The following RAB3GAP1 variants were observed in gnomAD, a reference collection of about 807,000 sequenced individuals.
RAB3GAP1 encodes the protein rab3 GTPase-activating protein catalytic subunit.
A neutral mutation model predicts 130.7 loss-of-function variants in RAB3GAP1; 86 were observed. That is an observed-to-expected ratio of 0.66 (90% CI 0.55 to 0.79). The LOEUF is 0.79. Among genes scored for constraint, RAB3GAP1 ranks in the 30% least tolerant of loss-of-function variants. The pLI is 0.00. For synonymous variants in RAB3GAP1, 367 were observed against 401.7 expected, an observed-to-expected ratio of 0.91 and a Z score of 1.03; for missense variants, 1,029 against 1,169.4, an observed-to-expected ratio of 0.88 and a Z score of 1.75.
intron 7 of RAB3GAP1, among the ~76,000 whole-genome samples, 157 bp from the exon 8 acceptor site, chr2:135,120,662 C>T (rs534397811): frequency 6.6e-6 from 1 of 152,278 alleles, no homozygotes; most frequent in African/African-American, 2.4e-5. Flanking sequence ...TTTTTAATAA[C>T]TAGAATATGC....
At chr2:135,149,132 C>G (rs369507606) in intron 17 of RAB3GAP1, among the ~76,000 whole-genome samples, 22 of 152,254 alleles carry the variant, frequency 1.4e-4, no homozygotes, top group Admixed American at 9.8e-4. Flanking sequence ...TAGTCAGTGT[C>G]CTCTCAGTAT....
intron 17 of RAB3GAP1, among the ~76,000 whole-genome samples, chr2:135,139,533 C>T (rs1330179525): frequency 6.6e-6 from 1 of 150,862 alleles, no homozygotes; most frequent in Admixed American, 6.6e-5. Flanking sequence ...AGAGCAAGAC[C>T]CTGTCTCAAA....
At chr2:135,082,523 C>T (rs1389279816) in intron 3 of RAB3GAP1, among the ~76,000 whole-genome samples, 1 of 151,634 alleles carries the variant, frequency 6.6e-6, no homozygotes, top group East Asian at 1.9e-4. Flanking sequence ...TCAGTGCAAC[C>T]TTCGCCTCTT....
At chr2:135,106,327 T>C (rs1055420785) in intron 5 of RAB3GAP1, among the ~76,000 whole-genome samples, 1 of 152,200 alleles carries the variant, frequency 6.6e-6, no homozygotes, top group Non-Finnish European at 1.5e-5. Context: ...GGGGGAAATG[T>C]GGGGAAACGA....
chr2:135,162,567 C>T lies in RAB3GAP1; in HGVS notation c.2302C>T (p.Leu768=). 6.2e-7 allele frequency: 1 copy of T among 1,613,704 alleles called. No homozygotes were observed. Among genetic ancestry groups the T allele is most frequent in the Non-Finnish European group, 8.5e-7 (1 of 1,179,776 alleles). ...TREAEKVLHY[L]AIQKPADLAR... ...GCACCTCCTTCAGGTGCTGCACTAT[C>T]TGGCAATCCAGAAACCTGCAGACCT... The change falls in exon 20 of 24, where the codon CTG becomes TTG. Residue 768 remains leucine (L), a synonymous_variant. Transcript: ENST00000264158.
At chr2:135,166,461 G>T (rs1382902079) in intron 23 of RAB3GAP1, among the ~76,000 whole-genome samples, 1 of 151,936 alleles carries the variant, frequency 6.6e-6, no homozygotes, top group Non-Finnish European at 1.5e-5. Flanking sequence ...CAATCCTCTT[G>T]CTTCAACCTC....
chr2:135,105,035 C>T (rs986106543), intron 5 of RAB3GAP1, among the ~76,000 whole-genome samples: 3 of 152,134 alleles, frequency 2.0e-5, no homozygotes, highest in Admixed American at 2.0e-4. Context: ...AGAAATTGTC[C>T]AGTCCAAAGA....
chr2:135,060,851 A>G (rs1324931718), intron 3 of RAB3GAP1, among the ~76,000 whole-genome samples: 3 of 152,016 alleles, frequency 2.0e-5, no homozygotes, highest in Non-Finnish European at 4.4e-5. Flanking sequence ...GACGACAGGC[A>G]TATGCCACCT....
intron 10 of RAB3GAP1, 44 bp from the exon 11 acceptor site, chr2:135,126,539 G>A: frequency 6.7e-7 from 1 of 1,502,718 alleles, no homozygotes; most frequent in East Asian, 2.3e-5. Context: ...GAATCTTGCA[G>A]ATTGTCATAA....
chr2:135,062,459 A>T (rs1689204265), intron 3 of RAB3GAP1, among the ~76,000 whole-genome samples: 3 of 152,248 alleles, frequency 2.0e-5, no homozygotes, highest in Admixed American at 2.0e-4. Flanking sequence ...TTTTTAGTAA[A>T]TCCTGATGTT....
At chr2:135,063,168 A>G (rs561974187) in intron 3 of RAB3GAP1, among the ~76,000 whole-genome samples, 26 of 152,292 alleles carry the variant, frequency 1.7e-4, no homozygotes, top group South Asian at 1.0e-3. Flanking sequence ...GACTGAGTAA[A>G]TTATTTTTTT....
intron 2 of RAB3GAP1, among the ~76,000 whole-genome samples, chr2:135,054,455 T>C (rs1304049988): frequency 6.6e-6 from 1 of 152,202 alleles, no homozygotes; most frequent in African/African-American, 2.4e-5. Context: ...AAAGGGAACC[T>C]AGAAGGGAGG....
intron 3 of RAB3GAP1, among the ~76,000 whole-genome samples, chr2:135,066,566 A>G (rs936460934): frequency 7.2e-5 from 11 of 152,166 alleles, no homozygotes; most frequent in Admixed American, 1.3e-4. Flanking sequence ...TTCAGAACCC[A>G]TGTTCTTTCT....
At chr2:135,106,827 G>C (rs72978351) in intron 5 of RAB3GAP1, among the ~76,000 whole-genome samples, 3,516 of 144,202 alleles carry the variant, frequency 0.024, 162 homozygotes, top group African/African-American at 0.084. Flanking sequence ...AAACAAATGT[G>C]AAGAAATAAT....
At chr2:135,150,713 T>G (rs1692149698) in intron 18 of RAB3GAP1, among the ~76,000 whole-genome samples, 1 of 152,234 alleles carries the variant, frequency 6.6e-6, no homozygotes, top group Non-Finnish European at 1.5e-5. Context: ...AGATCTAGTA[T>G]TATTAATAGT....
chr2:135,112,834 T>TCTCA lies in RAB3GAP1; in HGVS notation c.363-316_363-315insTCAC, dbSNP rs952841554. ...GTCAAAGTCTCTCTCTCTCTCTCTC[T>TCTCA]CACACACACACACACACACACACAC... is the stretch of plus-strand genomic sequence containing the variant. On this transcript the variant is annotated intron_variant, in intron 5 of 23. Transcript: ENST00000264158. Among the ~76,000 whole-genome samples, 1,249 of 132,444 alleles carry TCTCA rather than the reference T, an allele frequency of 9.4e-3. 18 individuals are homozygous for TCTCA. The highest frequency in any genetic ancestry group is 0.048 in the Admixed American group (662 of 13,662). 86.9% of individuals were successfully genotyped at this position (132,444 alleles called of 152,430 possible). A position where few individuals can be genotyped will look rare whatever the true frequency, so the allele number is the denominator to read the frequency against.
chr2:135,119,088 C>CTCCG (rs1691114731), intron 7 of RAB3GAP1, among the ~76,000 whole-genome samples: 1 of 149,396 alleles, frequency 6.7e-6, no homozygotes, highest in Admixed American at 6.7e-5. Flanking sequence ...CCCTCCCTCC[C>CTCCG]TCCCTCCCTT....
At chr2:135,116,881 G>A (rs1690986445) in intron 7 of RAB3GAP1, among the ~76,000 whole-genome samples, 1 of 151,972 alleles carries the variant, frequency 6.6e-6, no homozygotes, top group African/African-American at 2.4e-5. Context: ...AAAAGAAAAA[G>A]AATTATAAGA....
chr2:135,144,602 C>G (rs7603226), intron 17 of RAB3GAP1, among the ~76,000 whole-genome samples: 1 of 152,130 alleles, frequency 6.6e-6, no homozygotes, highest in African/African-American at 2.4e-5. Flanking sequence ...TTCAGGCTTT[C>G]AACTATCTTT....
Sources: allele counts gnomAD v4.1 joint callset (sites outside exome capture counted in the v4.1 genomes callset), GRCh38; gene constraint gnomAD v4.1.1; transcripts MANE v1.5; gene names NCBI Gene and HGNC (gene_info 2026-07-23, HGNC 2026-07-21).